ZGPAT: variants seen among roughly 807,000 people sequenced by gnomAD.
ZGPAT encodes the protein zinc finger CCCH-type and G-patch domain containing.
A neutral mutation model predicts 47.9 loss-of-function variants in ZGPAT; 39 were observed. The observed-to-expected ratio is 0.81, with a 90% CI of 0.63 to 1.06. The LOEUF (loss-of-function observed/expected upper bound fraction) is 1.06, where lower values mean the gene tolerates loss of function less well. Ranked by LOEUF, ZGPAT falls within the 50% of genes least tolerant of loss-of-function variation. ZGPAT has a pLI of 0.00. For synonymous variants in ZGPAT, 348 were observed against 292.9 expected (o/e 1.19, Z -1.92); for missense variants, 717 against 681.4 (o/e 1.05, Z -0.58).
intron 2 of ZGPAT, among the ~76,000 whole-genome samples, chr20:63,713,635 C>A (rs552868417): frequency 1.3e-5 from 2 of 151,422 alleles, no homozygotes; most frequent in South Asian, 4.2e-4. Flanking sequence ...CTTTGGGAGG[C>A]CAAGGCGGGT....
chr20:63,723,220 G>A (rs7267230), intron 2 of ZGPAT, among the ~76,000 whole-genome samples: 81,856 of 90,386 alleles, frequency 0.91, 36,860 homozygotes, highest in East Asian at 0.97. Flanking sequence ...CCCTTCTCCT[G>A]TGTCATAGCT....
intron 2 of ZGPAT, among the ~76,000 whole-genome samples, chr20:63,728,082 C>G (rs1269549915): frequency 1.4e-5 from 2 of 145,196 alleles, no homozygotes; most frequent in Non-Finnish European, 3.0e-5. Flanking sequence ...ATTGCCTAGG[C>G]TGGAGTGCCA....
At chr20:63,729,791 C>T (rs1051696482) in intron 2 of ZGPAT, among the ~76,000 whole-genome samples, 2 of 152,020 alleles carry the variant, frequency 1.3e-5, no homozygotes, top group South Asian at 2.1e-4. Flanking sequence ...GTCACTGAGG[C>T]GGAAGGATTA....
chr20:63,714,124 G>T (rs542371204), intron 2 of ZGPAT, among the ~76,000 whole-genome samples: 3 of 151,826 alleles, frequency 2.0e-5, no homozygotes, highest in Non-Finnish European at 4.4e-5. Flanking sequence ...GTACAATGTT[G>T]AATAAAAGTG....
At chr20:63,710,762 C>T (rs561396849) in intron 2 of ZGPAT, among the ~76,000 whole-genome samples, 5 of 152,144 alleles carry the variant, frequency 3.3e-5, no homozygotes, top group African/African-American at 9.6e-5. Flanking sequence ...AGTCCAAGTC[C>T]GATGTGAGGA....
rs369654019 is a variant in ZGPAT, at chr20:63,733,658, G to A, written c.790G>A (p.Gly264Ser). The part of the protein sequence containing the change: ...LLREAVVEGD[G>S]ILPPLRTEAT... ...GAGGGAGGCCGTGGTGGAGGGGGACGGCATCCTGCCCCCACTGCGCACAGA... is the reference window on the plus strand; with the variant it reads ...GAGGGAGGCCGTGGTGGAGGGGGACAGCATCCTGCCCCCACTGCGCACAGA... Residue 264 changes from glycine (G) to serine (S), a missense_variant, in exon 4 of 7, where the codon GGC (glycine) becomes AGC (serine). By Grantham distance (56) the Gly-to-Ser change is moderately conservative. Transcript: ENST00000355969. 6.8e-6 allele frequency: 11 copies of A among 1,613,874 alleles called. No homozygotes were observed. The highest frequency in any genetic ancestry group is 3.3e-4 in the Middle Eastern group (2 of 6,084).
In ZGPAT at chr20:63,713,803, G is replaced by A. The variant is rs544222937; in HGVS notation, c.584+4639G>A. 1.8e-3 allele frequency among the ~76,000 whole-genome samples: 267 copies of A among 151,220 alleles called. 2 individuals are homozygous for A. The highest frequency in any genetic ancestry group is 5.9e-3 in the African/African-American group (242 of 41,326). On this transcript the variant is annotated intron_variant, in intron 2 of 6. Transcript: ENST00000355969. Reference sequence around the variant, plus strand: ...AGAGAATTGCTTGAACCTGGGAGGCGGAGGTTGCAGTGAGCTGAGATCGCG... The same window carrying A: ...AGAGAATTGCTTGAACCTGGGAGGCAGAGGTTGCAGTGAGCTGAGATCGCG...
At chr20:63,725,507 T>G (rs2091835864) in intron 2 of ZGPAT, among the ~76,000 whole-genome samples, 1 of 152,218 alleles carries the variant, frequency 6.6e-6, no homozygotes, top group Non-Finnish European at 1.5e-5. Flanking sequence ...AGAATTATCT[T>G]TTTTTCTCTT....
At chr20:63,725,322 A>G (rs1330842380) in intron 2 of ZGPAT, among the ~76,000 whole-genome samples, 3 of 152,208 alleles carry the variant, frequency 2.0e-5, no homozygotes, top group African/African-American at 7.2e-5. Flanking sequence ...CAACCAATTC[A>G]GTGTTTATTT....
intron 2 of ZGPAT, among the ~76,000 whole-genome samples, chr20:63,710,856 C>T (rs2091659163): frequency 6.6e-6 from 1 of 152,182 alleles, no homozygotes; most frequent in Non-Finnish European, 1.5e-5. Context: ...ACAATTATTA[C>T]TGTAATGTCT....
chr20:63,710,420 G>A (rs1457151260), intron 2 of ZGPAT, among the ~76,000 whole-genome samples: 1 of 152,092 alleles, frequency 6.6e-6, no homozygotes, highest in Non-Finnish European at 1.5e-5. Context: ...CCAAAGTGCT[G>A]GGATCACAGG....
intron 5 of ZGPAT, 29 bp downstream of exon 5, chr20:63,734,853 G>A (rs758879669): frequency 3.9e-6 from 6 of 1,545,002 alleles, no homozygotes; most frequent in Non-Finnish European, 5.2e-6. Context: ...GGAGAAGTGG[G>A]CAGGCTGCTG....
At position 63,735,946 on chromosome 20, in the gene ZGPAT, C is replaced by T. The variant is rs374505548; in HGVS notation, c.*27C>T. The T allele has an allele frequency of 8.8e-6, 14 of 1,594,666 alleles. No individual in the cohort carries two copies. The highest frequency in any genetic ancestry group is 1.1e-5 in the Non-Finnish European group (13 of 1,167,830). ...GACCCCACAAGCACTATGGACGAAG[C>T]GTGGGACCCCAGCACGGGCTGCCCT... On this transcript the variant is annotated 3_prime_UTR_variant, in exon 7 of 7. Coordinates refer to ENST00000355969, the MANE Select transcript of ZGPAT (RefSeq NM_181485.3).
At chr20:63,730,954 CTCTCTCTCTCTCTCTCTGTGTG>C (rs1217985305) in intron 2 of ZGPAT, among the ~76,000 whole-genome samples, 16 of 137,180 alleles carry the variant, frequency 1.2e-4, no homozygotes, top group African/African-American at 4.8e-4. Flanking sequence ...CTCTCTCTCT[CTCTCTCTCTCTCTCTCTGTGTG>C]TGTGTGTGTG....
At position 63,735,437 on chromosome 20, in the gene ZGPAT, A is replaced by G. The variant is rs2091974858; in HGVS notation, c.1270A>G (p.Met424Val). 2.5e-6 allele frequency: 4 copies of G among 1,574,944 alleles called. No individual in the cohort carries two copies. Among genetic ancestry groups the G allele is most frequent in the Non-Finnish European group, 1.7e-6 (2 of 1,163,878 alleles). The change falls in exon 6 of 7, where the codon ATG becomes GTG. Residue 424 changes from methionine to valine, a missense_variant. Transcript: ENST00000355969. ...AAPAGRRSKD[M>V]YHASKSAKRA... is the part of the protein sequence containing the mutation. ...CCCAGCGGGGAGGAGGAGCAAGGACATGTACCATGCCAGCAAGAGTGCCAA... is the reference window on the plus strand; with the variant it reads ...CCCAGCGGGGAGGAGGAGCAAGGACGTGTACCATGCCAGCAAGAGTGCCAA...
chr20:63,720,157 T>A (rs913844048), intron 2 of ZGPAT, among the ~76,000 whole-genome samples: 85 of 152,104 alleles, frequency 5.6e-4, no homozygotes, highest in Non-Finnish European at 1.0e-3. Context: ...AAATTTTTTT[T>A]AATTTTCTTT....
rs775149586 is a variant in ZGPAT, at chr20:63,733,329, T to A, written c.695T>A (p.Leu232His). The A allele has an allele frequency of 6.2e-7, 1 of 1,612,708 alleles. No individual in the cohort carries two copies. The highest frequency in any genetic ancestry group is 1.1e-5 in the South Asian group (1 of 91,048). ...SACLAKHQDG[L>H]WHAARITDVD... ...TGTCTGGCCAAGCACCAGGATGGCC[T>A]CTGGCACGCAGCACGCATCACCGGT... is the stretch of plus-strand genomic sequence containing the variant. The change falls in exon 3 of 7, where the codon CTC (leucine) becomes CAC (histidine). Residue 232 changes from leucine to histidine, a missense_variant. Physicochemically the swap from Leu to His is moderately conservative, Grantham distance 99. Coordinates refer to ENST00000355969, the MANE Select transcript of ZGPAT (RefSeq NM_181485.3).
chr20:63,735,957 A>C lies in ZGPAT; in HGVS notation c.*38A>C, dbSNP rs2091986292. 1 of 1,586,418 alleles carries C rather than the reference A, an allele frequency of 6.3e-7. No homozygotes were observed. Among genetic ancestry groups the C allele is most frequent in the South Asian group, 1.1e-5 (1 of 87,956 alleles). ...CACTATGGACGAAGCGTGGGACCCCAGCACGGGCTGCCCTCAGGAAGACCA... is the reference window on the plus strand; with the variant it reads ...CACTATGGACGAAGCGTGGGACCCCCGCACGGGCTGCCCTCAGGAAGACCA... On this transcript the variant is annotated 3_prime_UTR_variant, in exon 7 of 7. Transcript: ENST00000355969.
In ZGPAT at chr20:63,709,058, G is replaced by A; in HGVS notation, c.478G>A (p.Asp160Asn). The change falls in exon 2 of 7, where the codon GAT (aspartate) becomes AAT (asparagine). Residue 160 changes from aspartate to asparagine, a missense_variant. By Grantham distance (23) the Asp-to-Asn change is conservative. Transcript: ENST00000355969. Reference sequence around the variant, plus strand: ...GGTGGTGGGAACGGAAGAGGCGGAGGATGGCTCGGCGGGTGTCCGTGTGCT... The same window carrying A: ...GGTGGTGGGAACGGAAGAGGCGGAGAATGGCTCGGCGGGTGTCCGTGTGCT... ...AMVVGTEEAE[D>N]GSAGVRVLYL... is the part of the protein sequence containing the mutation. The A allele has an allele frequency of 6.2e-7, 1 of 1,613,718 alleles. No individual in the cohort carries two copies. The highest frequency in any genetic ancestry group is 2.2e-5 in the East Asian group (1 of 44,882).
Sources: gnomAD v4.1 joint callset for allele counts (sites outside exome capture counted in the v4.1 genomes callset) on GRCh38, gnomAD v4.1.1 for gene constraint, MANE v1.5 for transcripts, NCBI Gene and HGNC (gene_info 2026-07-23, HGNC 2026-07-21) for gene names.